The following CNTN4 variants were observed in gnomAD, a reference collection of about 807,000 sequenced individuals.
The protein encoded by CNTN4 is contactin-4.
Under a neutral mutation model 122.5 loss-of-function variants are expected in CNTN4, and 77 were observed. The ratio of observed to expected loss-of-function variants is 0.63; its 90% CI spans 0.52 to 0.76. CNTN4 has a LOEUF of 0.76. Ranked by LOEUF, CNTN4 falls within the 30% of genes least tolerant of loss-of-function variation. The pLI is 0.00. For missense variants in CNTN4, 1,256 were observed against 1,259.1 expected (o/e 1.00, Z 0.04); for synonymous variants, 512 against 447.0 (o/e 1.15, Z -1.83).
chr3:2,211,147 A>C (rs1309891606), intron 2 of CNTN4, among the ~76,000 whole-genome samples: 2 of 152,150 alleles, frequency 1.3e-5, no homozygotes, highest in African/African-American at 4.8e-5. Context: ...CAGAGGGCAA[A>C]GTAGGAGCAG....
At chr3:2,339,549 T>G (rs2044100678) in intron 3 of CNTN4, among the ~76,000 whole-genome samples, 1 of 152,168 alleles carries the variant, frequency 6.6e-6, no homozygotes, top group Non-Finnish European at 1.5e-5. Flanking sequence ...AATAAAGTTG[T>G]TGTACTTTTG....
chr3:2,961,915 C>A (rs1004787198), intron 13 of CNTN4, among the ~76,000 whole-genome samples: 5 of 152,332 alleles, frequency 3.3e-5, no homozygotes, highest in African/African-American at 1.2e-4. Context: ...TTTTTGTGTT[C>A]CTGCTTTCAG....
chr3:3,025,870 C>G (rs1348462188), intron 14 of CNTN4, among the ~76,000 whole-genome samples: 1 of 152,146 alleles, frequency 6.6e-6, no homozygotes, highest in Admixed American at 6.6e-5. Context: ...TGGCTGAGTT[C>G]TGTTGCTCTG....
chr3:2,730,692 A>T (rs1240396273), intron 4 of CNTN4, among the ~76,000 whole-genome samples: 1 of 152,024 alleles, frequency 6.6e-6, no homozygotes, highest in Non-Finnish European at 1.5e-5. Flanking sequence ...TGGAATCCAG[A>T]TTTTGTTCTG....
intron 7 of CNTN4, among the ~76,000 whole-genome samples, chr3:2,824,313 T>C (rs2092940099): frequency 6.6e-6 from 1 of 151,880 alleles, no homozygotes; most frequent in Non-Finnish European, 1.5e-5. Flanking sequence ...AATACAAAAA[T>C]TAGTCTGCTG....
chr3:2,956,589 G>A (rs1391934), intron 13 of CNTN4, among the ~76,000 whole-genome samples: 19,145 of 151,812 alleles, frequency 0.13, 1,475 homozygotes, highest in African/African-American at 0.21. Flanking sequence ...GGTAAATGAT[G>A]CTAATTTTAT....
chr3:2,584,801 C>G (rs1158710282), intron 4 of CNTN4, among the ~76,000 whole-genome samples: 2 of 148,816 alleles, frequency 1.3e-5, no homozygotes, highest in Non-Finnish European at 3.0e-5. Context: ...AGGAAGAAAA[C>G]AAGCTTGATG....
intron 3 of CNTN4, among the ~76,000 whole-genome samples, chr3:2,405,535 G>T (rs745677442): frequency 2.0e-5 from 3 of 151,974 alleles, no homozygotes; most frequent in Non-Finnish European, 4.4e-5. Flanking sequence ...AATAACTATA[G>T]TTATTTATTT....
intron 4 of CNTN4, among the ~76,000 whole-genome samples, chr3:2,711,253 G>A (rs942329105): frequency 3.3e-5 from 5 of 152,130 alleles, no homozygotes; most frequent in Admixed American, 3.3e-4. Flanking sequence ...ATGGAGACTC[G>A]GTCAGGACTT....
At chr3:2,644,636 AG>A (rs2083040076) in intron 4 of CNTN4, among the ~76,000 whole-genome samples, 1 of 151,086 alleles carries the variant, frequency 6.6e-6, no homozygotes, top group African/African-American at 2.4e-5. Context: ...TTCCTAAGTG[AG>A]TCCATGGATT....
At chr3:2,685,225 C>A (rs2150529055) in intron 4 of CNTN4, among the ~76,000 whole-genome samples, 1 of 152,142 alleles carries the variant, frequency 6.6e-6, no homozygotes, top group Admixed American at 6.5e-5. Context: ...ACTTTTATTG[C>A]AGAACTGAAG....
chr3:2,521,343 TCC>T (rs5846190), intron 3 of CNTN4, among the ~76,000 whole-genome samples: 8 of 128,358 alleles, frequency 6.2e-5, no homozygotes, highest in East Asian at 2.3e-4. Flanking sequence ...CCTCTACCCA[TCC>T]CCCCCACCCC....
intron 2 of CNTN4, among the ~76,000 whole-genome samples, chr3:2,306,305 A>T (rs571429788): frequency 1.3e-5 from 2 of 152,130 alleles, no homozygotes; most frequent in Non-Finnish European, 2.9e-5. Context: ...ATATGTTGCT[A>T]GATTTGTGGT....
At chr3:3,051,382 A>G (rs1701255130) in intron 23 of CNTN4, among the ~76,000 whole-genome samples, 1 of 152,208 alleles carries the variant, frequency 6.6e-6, no homozygotes, top group Non-Finnish European at 1.5e-5. Flanking sequence ...AGTCCATAAT[A>G]CTGCAAGACT....
chr3:2,938,830 T>G (rs1372634165), intron 13 of CNTN4, among the ~76,000 whole-genome samples: 1 of 152,188 alleles, frequency 6.6e-6, no homozygotes, highest in African/African-American at 2.4e-5. Flanking sequence ...AGCCGTGCCT[T>G]TGTTCAGAGA....
intron 2 of CNTN4, among the ~76,000 whole-genome samples, chr3:2,143,035 T>C (rs1047022743): frequency 5.3e-5 from 8 of 152,352 alleles, no homozygotes; most frequent in South Asian, 2.1e-4. Context: ...CTTTGAGCCT[T>C]CATTACGTAA....
At chr3:2,215,225 CAT>C (rs1401960273) in intron 2 of CNTN4, among the ~76,000 whole-genome samples, 13 of 152,150 alleles carry the variant, frequency 8.5e-5, no homozygotes, top group Non-Finnish European at 2.9e-5. Context: ...GTGGTGTTAA[CAT>C]ATATTTAAAT....
intron 6 of CNTN4, among the ~76,000 whole-genome samples, chr3:2,792,971 ACCACCCATGAC>A (rs1197895208): frequency 3.3e-5 from 5 of 152,196 alleles, no homozygotes; most frequent in Non-Finnish European, 4.4e-5. Flanking sequence ...TCTCTGTCAC[ACCACCCATGAC>A]CTGAGACATG....
chr3:2,145,647 T>C (rs2035208461), intron 2 of CNTN4, among the ~76,000 whole-genome samples: 1 of 152,196 alleles, frequency 6.6e-6, no homozygotes, highest in Non-Finnish European at 1.5e-5. Context: ...AATTATGAAA[T>C]TTACTGGCAG....
Sources: allele counts gnomAD v4.1 joint callset (sites outside exome capture counted in the v4.1 genomes callset), GRCh38; gene constraint gnomAD v4.1.1; transcripts MANE v1.5; gene names NCBI Gene and HGNC (gene_info 2026-07-23, HGNC 2026-07-21).